RBM5: variants seen among roughly 807,000 people sequenced by gnomAD.
The protein encoded by RBM5 is RNA binding motif protein 5.
RBM5 carries 15 observed loss-of-function variants against 124.6 expected under a neutral mutation model. That is an observed-to-expected ratio of 0.12 (90% CI 0.08 to 0.19). RBM5 has a LOEUF of 0.19. RBM5 is among the 10% of genes least tolerant of loss of function. The pLI, the probability that RBM5 is intolerant of heterozygous loss-of-function variation, is 1.00. For missense variants in RBM5, 580 were observed against 1,026.5 expected (o/e 0.57, Z 5.94); for synonymous variants, 337 against 361.2 (o/e 0.93, Z 0.76).
intron 10 of RBM5, among the ~76,000 whole-genome samples, chr3:50,106,445 T>G (rs1559688716): frequency 6.6e-6 from 1 of 152,208 alleles, no homozygotes; most frequent in Non-Finnish European, 1.5e-5. Flanking sequence ...TTTTGTATTT[T>G]TAGTAGAGAC....
Position 50,113,455 on chromosome 3 carries a change from G to A in RBM5, c.1528G>A (p.Glu510Lys), listed in dbSNP as rs2091185146. 1 of 1,614,102 alleles carries A rather than the reference G, an allele frequency of 6.2e-7. No individual in the cohort carries two copies. The highest frequency in any genetic ancestry group is 8.5e-7 in the Non-Finnish European group (1 of 1,180,000). Residue 510 changes from glutamate (E) to lysine (K), a missense_variant, in exon 18 of 25, where the codon GAG (glutamate) becomes AAG (lysine). Transcript: ENST00000347869. ...GEKETYVPAA[E>K]SSSHQQSGLP... ...AAAAGAGACCTACGTGCCAGCTGCA[G>A]AGTCTAGCTCCCACCAGCAGTCGGG...
Position 50,093,873 on chromosome 3 carries a change from G to A in RBM5, c.337G>A (p.Asp113Asn), listed in dbSNP as rs762944410. Residue 113 changes from aspartate (D) to asparagine (N), a missense_variant and splice_region_variant, in exon 4 of 25, where the codon GAT becomes AAT. Around this residue, in one of 6 missense-constraint regions of RBM5, gnomAD observed 101 missense variants for 223.2 expected, o/e 0.45. Coordinates refer to ENST00000347869, the MANE Select transcript of RBM5 (RefSeq NM_005778.4). ...CCTTCCCATCACCATCACAGAGAGC[G>A]ATGTAAGGGGAAATGACAGTTATAA... ...RGLPITITES[D>N]IREMMESFEG... The A allele has an allele frequency of 1.6e-5, 25 of 1,605,166 alleles. No individual in the cohort carries two copies. In the Admixed American group the frequency reaches 2.7e-4, roughly 17 times the overall value.
intron 8 of RBM5, chr3:50,104,555 A>G (rs1291392973): frequency 6.6e-6 from 3 of 453,962 alleles, no homozygotes; most frequent in Non-Finnish European, 8.0e-6. Flanking sequence ...AGGTGAGAGG[A>G]TTGCTTGAGT....
chr3:50,116,846 A>G, intron 22 of RBM5: 1 of 523,784 alleles, frequency 1.9e-6, no homozygotes, highest in East Asian at 3.4e-5. Flanking sequence ...TGCTTGTTGG[A>G]GACATAGTTC....
chr3:50,112,414 T>TAAAA lies in RBM5; in HGVS notation c.1456-942_1456-939dup, dbSNP rs58011975. Among the ~76,000 whole-genome samples, 123 of 88,214 alleles carry TAAAA rather than the reference T, an allele frequency of 1.4e-3. 3 individuals are homozygous for TAAAA. Among genetic ancestry groups the TAAAA allele is most frequent in the African/African-American group, 5.4e-3 (111 of 20,648 alleles). 57.9% of individuals were successfully genotyped at this position (88,214 alleles called of 152,430 possible). ...CTGGGTGACGGAGCGAGACTCTGTC[T>TAAAA]AAAAAAAAAAAAAAAAAAAAAAAAA... On this transcript the variant is annotated intron_variant, in intron 17 of 24. Coordinates refer to ENST00000347869, the MANE Select transcript of RBM5 (RefSeq NM_005778.4).
At chr3:50,107,949 G>T in intron 12 of RBM5, 121 bp from the exon 13 acceptor site, 1 of 839,016 alleles carries the variant, frequency 1.2e-6, no homozygotes, top group Non-Finnish European at 2.0e-6. Flanking sequence ...GCCTCCCAAA[G>T]TGCTGGGATT....
chr3:50,110,703 A>C lies in RBM5; in HGVS notation c.1388A>C (p.Gln463Pro). The change falls in exon 17 of 25, where the codon CAG becomes CCG. Residue 463 changes from glutamine to proline, a missense_variant. This residue lies in a region of RBM5 where 104 missense variants were observed against 128.7 expected (regional missense o/e 0.81). Transcript: ENST00000347869. The part of the protein sequence containing the change: ...KYAVPDTSTY[Q>P]YDESSGYYYD... ...GCAGTACCTGACACGTCCACTTACC[A>C]GTATGATGAATCTTCAGGATATTAC... The C allele has an allele frequency of 6.2e-7, 1 of 1,613,562 alleles. No homozygotes were observed. Among genetic ancestry groups the C allele is most frequent in the Non-Finnish European group, 8.5e-7 (1 of 1,179,590 alleles).
At chr3:50,108,837 A>C (rs1444572762) in intron 14 of RBM5, among the ~76,000 whole-genome samples, 1 of 152,154 alleles carries the variant, frequency 6.6e-6, no homozygotes, top group Non-Finnish European at 1.5e-5. Flanking sequence ...TGTTGTGATG[A>C]GTTTAATTCT....
intron 11 of RBM5, 141 bp from the exon 12 acceptor site, chr3:50,107,341 G>A (rs2091051863): frequency 1.5e-6 from 1 of 680,510 alleles, no homozygotes; most frequent in Admixed American, 2.3e-5. Flanking sequence ...ATTTCCCCAT[G>A]AAGAGCCCTC....
intron 4 of RBM5, 192 bp downstream of exon 4, chr3:50,094,067 G>T: frequency 2.0e-6 from 1 of 501,566 alleles, no homozygotes; most frequent in South Asian, 3.8e-5. Context: ...TTAAACATTT[G>T]CATTTACATA....
intron 3 of RBM5, 27 bp from the exon 4 acceptor site, chr3:50,093,693 A>G (rs564500126): frequency 6.2e-7 from 1 of 1,606,072 alleles, no homozygotes; most frequent in Admixed American, 1.7e-5. Context: ...GGTGATGTTA[A>G]TTGTGATTTT....
chr3:50,106,628 AG>A (rs1167684734), intron 10 of RBM5, 138 bp from the exon 11 acceptor site: 5 of 629,532 alleles, frequency 7.9e-6, no homozygotes, highest in Non-Finnish European at 1.4e-5. Flanking sequence ...TCCTTTCTTG[AG>A]GTTTCATATC....
intron 3 of RBM5, among the ~76,000 whole-genome samples, chr3:50,093,465 G>A (rs1264725522): frequency 1.3e-5 from 2 of 148,524 alleles, no homozygotes; most frequent in Non-Finnish European, 3.0e-5. Flanking sequence ...AGAAAACACA[G>A]CAGGCTGGGT....
At chr3:50,116,725 T>C (rs913925531) in intron 22 of RBM5, 7 of 326,198 alleles carry the variant, frequency 2.1e-5, no homozygotes, top group African/African-American at 4.3e-5. Flanking sequence ...GAGGTATGCC[T>C]GTCCAAATGC....
chr3:50,092,342 A>C, intron 3 of RBM5, 134 bp downstream of exon 3: 2 of 932,240 alleles, frequency 2.1e-6, no homozygotes, highest in Non-Finnish European at 3.1e-6. Context: ...CGGCCAGATC[A>C]CTTGAGGTCA....
rs1336786140 is a variant in RBM5 at position 50,107,548 on chromosome 3, T to A, written c.1020T>A (p.Ala340=). 1.9e-6 allele frequency: 3 copies of A among 1,609,494 alleles called. No individual in the cohort carries two copies. Among genetic ancestry groups the A allele is most frequent in the Non-Finnish European group, 2.6e-6 (3 of 1,175,984 alleles). The change falls in exon 12 of 25, where the codon GCT becomes GCA. Residue 340 remains alanine (A), a synonymous_variant. Transcript: ENST00000347869. ...AFSVASTAIA[A]AQWSSTQSQS... ...CTGTAGCTAGTACGGCTATTGCTGCTGCTCAGTGGTCATCCACCCAGGTAA... is the reference window on the plus strand; with the variant it reads ...CTGTAGCTAGTACGGCTATTGCTGCAGCTCAGTGGTCATCCACCCAGGTAA...
chr3:50,116,237 G>T, intron 22 of RBM5: 1 of 453,506 alleles, frequency 2.2e-6, no homozygotes. Flanking sequence ...AGAGCTTGCT[G>T]CTTAAATACG....
intron 2 of RBM5, 138 bp downstream of exon 2, chr3:50,090,589 C>A: frequency 1.0e-6 from 1 of 953,014 alleles, no homozygotes; most frequent in Non-Finnish European, 1.6e-6. Flanking sequence ...ATCCTGTTGT[C>A]ACAAACTACA....
chr3:50,097,157 A>G (rs976919360), intron 4 of RBM5, among the ~76,000 whole-genome samples: 3 of 152,118 alleles, frequency 2.0e-5, no homozygotes, highest in Admixed American at 1.3e-4. Context: ...GCACTTTAGG[A>G]TTCTGAGGCA....
Sources: gnomAD v4.1 joint callset for allele counts (sites outside exome capture counted in the v4.1 genomes callset) on GRCh38, gnomAD v4.1.1 for gene constraint, gnomAD v4.1.1 regional missense constraint, MANE v1.5 for transcripts, NCBI Gene and HGNC (gene_info 2026-07-23, HGNC 2026-07-21) for gene names.